Variants in MGAM observed in about 807,000 individuals in gnomAD.
MGAM encodes the protein maltase-glucoamylase, also known as alpha-1,4-glucosidase.
In MGAM, 253 loss-of-function variants were observed where a neutral mutation model predicts 358.8. The observed-to-expected ratio is 0.71, with a 90% CI of 0.64 to 0.78. The LOEUF is 0.78. MGAM is among the 30% of genes least tolerant of loss of function. MGAM has a pLI of 0.00. For missense variants in MGAM, 3,080 were observed against 3,432.6 expected (o/e 0.90, Z 2.57); for synonymous variants, 1,105 against 1,227.1 (o/e 0.90, Z 2.08).
chr7:142,043,750 C>CATGTA (rs1563151799), intron 21 of MGAM, among the ~76,000 whole-genome samples: 1,160 of 79,404 alleles, frequency 0.015, 27 homozygotes, highest in Middle Eastern at 0.05. Context: ...ATTATATACA[C>CATGTA]ATACGACATA....
At chr7:142,005,884 A>G (rs1805116928) in intron 2 of MGAM, among the ~76,000 whole-genome samples, 1 of 152,014 alleles carries the variant, frequency 6.6e-6, no homozygotes, top group Non-Finnish European at 1.5e-5. Flanking sequence ...TCCATAATTG[A>G]CTTTTTAAAA....
At position 142,088,902 on chromosome 7, in the gene MGAM, C is replaced by T. The variant is rs557511482; in HGVS notation, c.6810+2185C>T. ...TCTCCACCTCTATTCATCCACTCAC[C>T]CTATCTATCCAAATCCCTCTTCTGT... On this transcript the variant is annotated intron_variant, in intron 57 of 70. Transcript: ENST00000475668. 1.1e-4 allele frequency among the ~76,000 whole-genome samples: 16 copies of T among 141,866 alleles called. 2 individuals are homozygous for T. The South Asian group carries it at 3.6e-3, about 32-fold the overall frequency. 93.1% of individuals were successfully genotyped at this position (141,866 alleles called of 152,430 possible).
In MGAM at chr7:142,025,105, G is replaced by A; in HGVS notation, c.938G>A (p.Ser313Asn). ...TTCTTCTTGTGCCTTGAAGATGCTA[G>A]TGGATTGTCCTTTGGGGTGTTTCTG... Reference protein sequence around the residue: ...QTFFLCLEDASGLSFGVFLMN... With the variant: ...QTFFLCLEDANGLSFGVFLMN... The change falls in exon 8 of 71, where the codon AGT (serine) becomes AAT (asparagine). Residue 313 changes from serine to asparagine, a missense_variant. Physicochemically the swap from Ser to Asn is conservative, Grantham distance 46. Coordinates refer to ENST00000475668, the MANE Select transcript of MGAM (RefSeq NM_001365693.1). 1 of 1,613,646 alleles carries A rather than the reference G, an allele frequency of 6.2e-7. No homozygotes were observed. Among genetic ancestry groups the A allele is most frequent in the Non-Finnish European group, 8.5e-7 (1 of 1,179,586 alleles).
intron 26 of MGAM, 74 bp downstream of exon 26, chr7:142,053,058 A>G: frequency 6.7e-7 from 1 of 1,484,570 alleles, no homozygotes; most frequent in South Asian, 1.2e-5. Flanking sequence ...TCTGGATCAC[A>G]GAACCCTAAA....
chr7:142,002,263 C>T (rs1381294347), intron 1 of MGAM, among the ~76,000 whole-genome samples: 8 of 151,938 alleles, frequency 5.3e-5, no homozygotes, highest in African/African-American at 1.9e-4. Context: ...GACAAAGACA[C>T]AACAAAAGAA....
rs1285608308 is a variant in MGAM, at chr7:142,097,732, T to C, written c.7749+83T>C. On this transcript the variant is annotated intron_variant, in intron 66 of 70. Coordinates refer to ENST00000475668, the MANE Select transcript of MGAM (RefSeq NM_001365693.1). ...TAGATCTGATAGACCTTAGGTCAAATGCTGGCTCTGTAACCCACCTGCTGT... is the reference window on the plus strand; with the variant it reads ...TAGATCTGATAGACCTTAGGTCAAACGCTGGCTCTGTAACCCACCTGCTGT... 8 of 1,430,478 alleles carry C rather than the reference T, an allele frequency of 5.6e-6. No individual in the cohort carries two copies. In the African/African-American group the frequency reaches 7.1e-5, roughly 13 times the overall value. The allele number at this position is 1,430,478 out of a possible 1,614,324, so 88.6% of individuals were successfully genotyped here.
intron 47 of MGAM, 60 bp downstream of exon 47, chr7:142,076,886 C>A: frequency 6.7e-7 from 1 of 1,501,816 alleles, no homozygotes; most frequent in Non-Finnish European, 9.2e-7. Flanking sequence ...CATGATGTTT[C>A]TTCTTGCCAA....
rs919710529 is a variant in MGAM, at chr7:142,075,163, C to T, written c.5275+990C>T. On this transcript the variant is annotated intron_variant, in intron 45 of 70. Coordinates refer to ENST00000475668, the MANE Select transcript of MGAM (RefSeq NM_001365693.1). ...TCCTCCTAAGTCATTCATGCTGTTG[C>T]GAATGGCAGAATATTCTTCTTTCTA... 1.4e-4 allele frequency among the ~76,000 whole-genome samples: 20 copies of T among 146,394 alleles called. 1 individual carries two copies. Among genetic ancestry groups the T allele is most frequent in the African/African-American group, 4.9e-4 (20 of 41,204 alleles).
Position 142,008,579 on chromosome 7 carries a change from C to A in MGAM, c.201C>A (p.Thr67=). The A allele has an allele frequency of 6.2e-7, 1 of 1,613,020 alleles. No individual in the cohort carries two copies. Among genetic ancestry groups the A allele is most frequent in the Non-Finnish European group, 8.5e-7 (1 of 1,179,322 alleles). Residue 67 remains threonine, a synonymous_variant, in exon 3 of 71, where the codon ACC becomes ACA. Transcript: ENST00000475668. ...TGTPDPGTTG[T]THARTTGPPD... is the part of the protein sequence containing the mutation. ...CCCCAGATCCTGGAACAACTGGTAC[C>A]ACACATGCTAGGACAACGGGTCCCC...
upstream of MGAM, among the ~76,000 whole-genome samples, chr7:141,992,788 G>T (rs572298383): frequency 5.4e-4 from 82 of 152,080 alleles, no homozygotes; most frequent in Non-Finnish European, 9.7e-4. Context: ...TCCTTATGTT[G>T]CCCAGGCTGG....
chr7:141,995,894 T>G lies in MGAM; in HGVS notation c.-39T>G, dbSNP rs1804182539. The G allele has an allele frequency of 6.6e-6, 1 of 152,234 alleles. No homozygotes were observed. Among genetic ancestry groups the G allele is most frequent in the African/African-American group, 2.4e-5 (1 of 41,442 alleles). The allele number at this position is 152,234 out of a possible 1,614,324, so 9.4% of individuals were successfully genotyped here. On this transcript the variant is annotated 5_prime_UTR_variant, in exon 1 of 71. Coordinates refer to ENST00000475668, the MANE Select transcript of MGAM (RefSeq NM_001365693.1). ...CTCTGCTTTTATTGCTAAGCCATCC[T>G]TCAGACAGAGAGGGAGCGGCTGCAA...
Position 142,047,875 on chromosome 7 carries a change from T to C in MGAM, c.2587+2T>C, listed in dbSNP as rs1272329978. The stretch of plus-strand genomic sequence containing the variant: ...TCTGGGATAATGGGGAAACGAAGGG[T>C]GAGCACTTATACGATAATGTTGCTG... On this transcript the variant is annotated splice_donor_variant, in intron 22 of 70. Coordinates refer to ENST00000475668, the MANE Select transcript of MGAM (RefSeq NM_001365693.1). LOFTEE classifies it high-confidence loss of function. 6.3e-7 allele frequency: 1 copy of C among 1,591,974 alleles called. No homozygotes were observed. Among genetic ancestry groups the C allele is most frequent in the Non-Finnish European group, 8.6e-7 (1 of 1,160,874 alleles).
intron 50 of MGAM, among the ~76,000 whole-genome samples, chr7:142,081,334 G>C (rs1449180535): frequency 3.4e-5 from 5 of 146,146 alleles, no homozygotes; most frequent in African/African-American, 1.2e-4. Context: ...GGGTAATTGA[G>C]GGTTATGGTG....
intron 42 of MGAM, 93 bp downstream of exon 42, chr7:142,067,518 G>A (rs7777496): frequency 0.081 from 86,896 of 1,069,034 alleles, 16,367 homozygotes; most frequent in East Asian, 0.45. Context: ...TGGGGGTCCT[G>A]AGACATGGTT....
chr7:142,093,491 G>A lies in MGAM; in HGVS notation c.7113G>A (p.Pro2371=), dbSNP rs747252832. 9 of 1,516,940 alleles carry A rather than the reference G, an allele frequency of 5.9e-6. 3 individuals are homozygous for A. Among genetic ancestry groups the A allele is most frequent in the East Asian group, 2.4e-5 (1 of 41,756 alleles). The allele number at this position is 1,516,940 out of a possible 1,614,324, so 94.0% of individuals were successfully genotyped here. ...ESQQILPDGS[P]VQHYNVHNLY... ...AGCAGATCCTCCCAGACGGCTCCCC[G>A]GTGCAGCACTACAATGTGCACAACC... The change falls in exon 60 of 71, where the codon CCG becomes CCA. Residue 2371 remains proline, a synonymous_variant. Coordinates refer to ENST00000475668, the MANE Select transcript of MGAM (RefSeq NM_001365693.1).
chr7:142,021,564 T>C, intron 5 of MGAM, 22 bp from the exon 6 acceptor site: 1 of 1,609,716 alleles, frequency 6.2e-7, no homozygotes, highest in Non-Finnish European at 8.5e-7. Flanking sequence ...TTGGCTTTCC[T>C]TCTATTTCTA....
rs1477819896 is a variant in MGAM at position 142,097,620 on chromosome 7, C to G, written c.7720C>G (p.Pro2574Ala). The change falls in exon 66 of 71, where the codon CCT becomes GCT. Residue 2574 changes from proline (P) to alanine (A), a missense_variant. Physicochemically the swap from Pro to Ala is conservative, Grantham distance 27. Around this residue, in one of 5 missense-constraint regions of MGAM, gnomAD observed 932 missense variants for 1,198.2 expected, o/e 0.78. Coordinates refer to ENST00000475668, the MANE Select transcript of MGAM (RefSeq NM_001365693.1). ...TGCCAGAAATGTCACTGCATATTTCCCTAGAGCCCGCTGGTATGATTACTA... is the reference window on the plus strand; with the variant it reads ...TGCCAGAAATGTCACTGCATATTTCGCTAGAGCCCGCTGGTATGATTACTA... ...RNARNVTAYF[P>A]RARWYDYYTG... The G allele has an allele frequency of 1.2e-6, 2 of 1,612,450 alleles. No homozygotes were observed. The highest frequency in any genetic ancestry group is 4.5e-5 in the East Asian group (2 of 44,890).
chr7:142,040,795 G>C lies in MGAM; in HGVS notation c.2447G>C (p.Arg816Pro), dbSNP rs947903146. 1 of 1,613,220 alleles carries C rather than the reference G, an allele frequency of 6.2e-7. No homozygotes were observed. Among genetic ancestry groups the C allele is most frequent in the Non-Finnish European group, 8.5e-7 (1 of 1,179,484 alleles). The change falls in exon 21 of 71, where the codon CGA becomes CCA. Residue 816 changes from arginine (R) to proline (P), a missense_variant. Physicochemically the swap from Arg to Pro is moderately radical, Grantham distance 103. Transcript: ENST00000475668. ...LPGDKIGLHL[R>P]GGYIFPTQQP... ...GGAGACAAAATTGGACTTCACCTTC[G>C]AGGAGGCTACATCTTCCCCACACAG...
At chr7:142,020,147 G>A (rs1468643537) in intron 4 of MGAM, among the ~76,000 whole-genome samples, 1 of 152,022 alleles carries the variant, frequency 6.6e-6, no homozygotes, top group Admixed American at 6.6e-5. Flanking sequence ...GACACTTTAG[G>A]GAGGCTCTCG....
Sources: allele counts gnomAD v4.1 joint callset (sites outside exome capture counted in the v4.1 genomes callset), GRCh38; gene constraint gnomAD v4.1.1; regional missense constraint gnomAD v4.1.1; transcripts MANE v1.5; gene names NCBI Gene and HGNC (gene_info 2026-07-23, HGNC 2026-07-21).